The following MAP2K2 variants were observed in gnomAD, a reference collection of about 807,000 sequenced individuals.
MAP2K2 encodes the protein dual specificity mitogen-activated protein kinase kinase 2.
MAP2K2 carries 24 observed loss-of-function variants against 43.7 expected under a neutral mutation model. That is an observed-to-expected ratio of 0.55 (90% CI 0.40 to 0.77). The LOEUF is 0.77. Ranked by LOEUF, MAP2K2 falls within the 30% of genes least tolerant of loss-of-function variation. The pLI is 0.00. For synonymous variants in MAP2K2, 244 were observed against 239.7 expected (o/e 1.02, Z -0.17); for missense variants, 470 against 566.8 (o/e 0.83, Z 1.73).
intron 7 of MAP2K2, 146 bp from the exon 8 acceptor site, chr19:4,097,489 C>T (rs1460448607): frequency 1.5e-6 from 1 of 671,242 alleles, no homozygotes. Flanking sequence ...AGGCACTGGA[C>T]AAAGCTCCCC....
intron 8 of MAP2K2, 54 bp from the exon 9 acceptor site, chr19:4,095,503 G>T: frequency 6.9e-7 from 1 of 1,456,908 alleles, no homozygotes; most frequent in Non-Finnish European, 9.4e-7. Context: ...AGGGACCCTC[G>T]GCTGCAGCCC....
intron 7 of MAP2K2, among the ~76,000 whole-genome samples, chr19:4,098,877 C>T (rs1201258441): frequency 6.6e-6 from 1 of 152,274 alleles, no homozygotes; most frequent in Non-Finnish European, 1.5e-5. Flanking sequence ...TTCCACTTTT[C>T]TGTGCGTTTG....
chr19:4,097,522 C>T (rs530146849), intron 7 of MAP2K2, among the ~76,000 whole-genome samples, 179 bp from the exon 8 acceptor site: 1 of 152,266 alleles, frequency 6.6e-6, no homozygotes, highest in African/African-American at 2.4e-5. Context: ...GGTTCCATTC[C>T]CTGGGACAGC....
intron 2 of MAP2K2, among the ~76,000 whole-genome samples, chr19:4,111,771 T>C (rs1368087754): frequency 2.0e-5 from 3 of 151,942 alleles, no homozygotes; most frequent in Admixed American, 6.6e-5. Flanking sequence ...CGGACCAACA[T>C]GGTGAAACCC....
At chr19:4,091,121 C>A (rs994692663) in intron 10 of MAP2K2, among the ~76,000 whole-genome samples, 1 of 152,186 alleles carries the variant, frequency 6.6e-6, no homozygotes, top group African/African-American at 2.4e-5. Flanking sequence ...ATGCCAGGGG[C>A]TTCCCCAAGT....
At chr19:4,107,320 C>A (rs996846888) in intron 3 of MAP2K2, among the ~76,000 whole-genome samples, 1 of 151,896 alleles carries the variant, frequency 6.6e-6, no homozygotes, top group East Asian at 1.9e-4. Context: ...GTCAGGAGAT[C>A]GAGACCATCC....
Position 4,117,842 on chromosome 19 carries a change from G to A in MAP2K2, c.93-213C>T, listed in dbSNP as rs1034929468. On this transcript the variant is annotated intron_variant, in intron 1 of 10. Transcript: ENST00000262948. ...GGGCGGCTCCCCGGGAACTGAGGAC[G>A]CTGCCTTGATCCTGTCTCAACAAGT... Among the ~76,000 whole-genome samples, 5 of 152,178 alleles carry A rather than the reference G, an allele frequency of 3.3e-5. 1 individual carries two copies. In the South Asian group the frequency reaches 8.3e-4, roughly 25 times the overall value.
chr19:4,095,349 G>C, intron 9 of MAP2K2, 39 bp downstream of exon 9: 1 of 1,543,060 alleles, frequency 6.5e-7, no homozygotes, highest in East Asian at 2.4e-5. Flanking sequence ...GGCACATCTG[G>C]GTCCCGGCCA....
chr19:4,102,529 G>A (rs941630100), intron 3 of MAP2K2, 76 bp from the exon 4 acceptor site: 90 of 1,161,910 alleles, frequency 7.7e-5, no homozygotes, highest in Middle Eastern at 7.7e-4. Context: ...CCCCACTCCC[G>A]GCGAGGGGGT....
chr19:4,115,211 G>A lies in MAP2K2; in HGVS notation c.303+2208C>T, dbSNP rs2041205067. Among the ~76,000 whole-genome samples the A allele has an allele frequency of 6.6e-6, 1 of 152,178 alleles. No individual in the cohort carries two copies. Among genetic ancestry groups the A allele is most frequent in the Non-Finnish European group, 1.5e-5 (1 of 68,040 alleles). On this transcript the variant is annotated intron_variant, in intron 2 of 10. Transcript: ENST00000262948. This position sits in a 1 kb window ranked among gnomAD's most constrained non-coding sequence, Gnocchi z 4.1. ...AAGGACAGTACTGACACCCAGAGCT[G>A]ATGCTGGGACATCTCCACCCACCAG...
rs1356231819 is a variant in MAP2K2 at position 4,124,020 on chromosome 19, G to C, written c.-145C>G. On this transcript the variant is annotated 5_prime_UTR_variant, in exon 1 of 11. Coordinates refer to ENST00000262948, the MANE Select transcript of MAP2K2 (RefSeq NM_030662.4). ...GCGGCCGAGGGCGGGCGGCGCTGCGGGCCTGGGCCGAGGGTAGCCGAGGGG... is the reference window on the plus strand; with the variant it reads ...GCGGCCGAGGGCGGGCGGCGCTGCGCGCCTGGGCCGAGGGTAGCCGAGGGG... The C allele has an allele frequency of 4.6e-6, 1 of 217,808 alleles. No homozygotes were observed. The highest frequency in any genetic ancestry group is 6.3e-5 in the Admixed American group (1 of 15,892). The allele number at this position is 217,808 out of a possible 1,614,324, so 13.5% of individuals were successfully genotyped here.
intron 2 of MAP2K2, among the ~76,000 whole-genome samples, chr19:4,111,782 C>T (rs370543160): frequency 7.9e-5 from 12 of 152,064 alleles, no homozygotes; most frequent in African/African-American, 2.7e-4. Flanking sequence ...GGTGAAACCC[C>T]GTCTCTACTA....
At chr19:4,097,422 G>A in intron 7 of MAP2K2, 79 bp from the exon 8 acceptor site, 1 of 1,097,138 alleles carries the variant, frequency 9.1e-7, no homozygotes, top group Non-Finnish European at 1.4e-6. Flanking sequence ...CCAGGGGGCT[G>A]ATCACCACCA....
At chr19:4,117,654 G>A (rs753005923) in intron 1 of MAP2K2, 25 bp from the exon 2 acceptor site, 1 of 1,606,360 alleles carries the variant, frequency 6.2e-7, no homozygotes, top group South Asian at 1.1e-5. Flanking sequence ...CAGGGTAGGG[G>A]TTAGCTACCT....
intron 6 of MAP2K2, chr19:4,100,644 C>T (rs949786068): frequency 7.1e-6 from 2 of 280,404 alleles, no homozygotes; most frequent in South Asian, 3.9e-5. Flanking sequence ...AGCGAGACCC[C>T]GTGTCTACAA....
At chr19:4,116,333 C>T (rs1226111259) in intron 2 of MAP2K2, among the ~76,000 whole-genome samples, 1 of 152,096 alleles carries the variant, frequency 6.6e-6, no homozygotes, top group Non-Finnish European at 1.5e-5. Context: ...GAGTTCGAGA[C>T]CAGCCTGGCC....
In MAP2K2 at chr19:4,095,418, G is replaced by T. The variant is rs1305209288; in HGVS notation, c.1016C>A (p.Thr339Asn). 6.4e-7 allele frequency: 1 copy of T among 1,551,270 alleles called. No individual in the cohort carries two copies. The highest frequency in any genetic ancestry group is 8.7e-7 in the Non-Finnish European group (1 of 1,146,894). Reference protein sequence around the residue: ...PPPKLPNGVFTPDFQEFVNKC... With the variant: ...PPPKLPNGVFNPDFQEFVNKC... ...ATTGACAAACTCCTGGAAGTCGGGGGTGAACACACCGTTGGGCAGCTTAGG... is the reference window on the plus strand; with the variant it reads ...ATTGACAAACTCCTGGAAGTCGGGGTTGAACACACCGTTGGGCAGCTTAGG... Residue 339 changes from threonine to asparagine, a missense_variant, in exon 9 of 11, where the codon ACC becomes AAC. Coordinates refer to ENST00000262948, the MANE Select transcript of MAP2K2 (RefSeq NM_030662.4).
chr19:4,102,411 TCCTCTTGG>T lies in MAP2K2; in HGVS notation c.485_492del (p.Ala162AspfsTer41). On this transcript the variant is annotated frameshift_variant, in exon 4 of 11. Coordinates refer to ENST00000262948, the MANE Select transcript of MAP2K2 (RefSeq NM_030662.4). LOFTEE classifies it high-confidence loss of function. ...ACTTTCCCCAGGATCTCCTCGGGAATCCTCTTGGCCTCTTTCAGCACCTGGTCCAGGGA... is the reference window on the plus strand; with the variant it reads ...ACTTTCCCCAGGATCTCCTCGGGAATCCTCTTTCAGCACCTGGTCCAGGGA... The T allele has an allele frequency of 6.2e-7, 1 of 1,606,836 alleles. No homozygotes were observed. Among genetic ancestry groups the T allele is most frequent in the Non-Finnish European group, 8.5e-7 (1 of 1,177,534 alleles).
chr19:4,118,238 G>A lies in MAP2K2; in HGVS notation c.93-609C>T, dbSNP rs368190319. Among the ~76,000 whole-genome samples the A allele has an allele frequency of 2.7e-4, 41 of 152,282 alleles. No individual in the cohort carries two copies. In the East Asian group the frequency reaches 5.4e-3, roughly 20 times the overall value. On this transcript the variant is annotated intron_variant, in intron 1 of 10. Coordinates refer to ENST00000262948, the MANE Select transcript of MAP2K2 (RefSeq NM_030662.4). ...TAGGCGTGAGCCATTGCACGCGGCC[G>A]GGAGACCTCCTTCCTAACGCACGAG...
Sources: allele counts gnomAD v4.1 joint callset (sites outside exome capture counted in the v4.1 genomes callset), GRCh38; gene constraint gnomAD v4.1.1; non-coding constraint Gnocchi (gnomAD v3.1); transcripts MANE v1.5; gene names NCBI Gene and HGNC (gene_info 2026-07-23, HGNC 2026-07-21).